Variants in DTWD2 observed in about 807,000 individuals in gnomAD.
The protein encoded by DTWD2 is DTW motif tRNA-uridine aminocarboxypropyltransferase 2.
A neutral mutation model predicts 31.8 loss-of-function variants in DTWD2; 39 were observed. The ratio of observed to expected loss-of-function variants is 1.22; its 90% CI spans 0.95 to 1.60. DTWD2 has a LOEUF of 1.60. DTWD2 is among the 40% of genes most tolerant of loss of function. The pLI is 0.00. For synonymous variants in DTWD2, 180 were observed against 142.8 expected (o/e 1.26, Z -1.86); for missense variants, 515 against 381.5 (o/e 1.35, Z -2.92).
intron 4 of DTWD2, among the ~76,000 whole-genome samples, chr5:118,923,286 G>A (rs1375813216): frequency 6.6e-6 from 1 of 152,204 alleles, no homozygotes; most frequent in Non-Finnish European, 1.5e-5. Flanking sequence ...TAATTTGGCA[G>A]CCCATTCAGG....
At chr5:118,871,429 T>A (rs890411243) in intron 4 of DTWD2, among the ~76,000 whole-genome samples, 2 of 152,218 alleles carry the variant, frequency 1.3e-5, no homozygotes, top group African/African-American at 4.8e-5. Flanking sequence ...GAGGAATCAC[T>A]ATTTATGGCA....
At chr5:118,880,924 C>T (rs952468745) in intron 4 of DTWD2, among the ~76,000 whole-genome samples, 1 of 152,098 alleles carries the variant, frequency 6.6e-6, no homozygotes, top group Non-Finnish European at 1.5e-5. Flanking sequence ...CGCTGAAAAC[C>T]ACTTCAATCA....
intron 4 of DTWD2, among the ~76,000 whole-genome samples, chr5:118,869,736 T>A (rs545862569): frequency 6.6e-6 from 1 of 152,218 alleles, no homozygotes; most frequent in South Asian, 2.1e-4. Context: ...TGGTAACTTA[T>A]AGTTTCTATA....
At chr5:118,939,947 G>A (rs1026613533) in intron 2 of DTWD2, among the ~76,000 whole-genome samples, 2 of 152,118 alleles carry the variant, frequency 1.3e-5, no homozygotes, top group Non-Finnish European at 2.9e-5. Context: ...TGGGGGAGAA[G>A]AAACAAATCT....
At chr5:118,976,269 C>T (rs1755156583) in intron 1 of DTWD2, among the ~76,000 whole-genome samples, 1 of 152,046 alleles carries the variant, frequency 6.6e-6, no homozygotes, top group Non-Finnish European at 1.5e-5. Flanking sequence ...CCTAATATCA[C>T]AATTAAAAGA....
chr5:118,883,168 AG>A (rs1234095407), intron 4 of DTWD2, among the ~76,000 whole-genome samples: 1 of 152,238 alleles, frequency 6.6e-6, no homozygotes, highest in African/African-American at 2.4e-5. Flanking sequence ...TCTCTAGGGC[AG>A]GGACAAAATT....
chr5:118,868,104 A>T (rs1752419458), intron 4 of DTWD2, among the ~76,000 whole-genome samples: 1 of 152,164 alleles, frequency 6.6e-6, no homozygotes, highest in Admixed American at 6.5e-5. Context: ...CCCAAAAATA[A>T]ATTCTGGCAT....
intron 4 of DTWD2, among the ~76,000 whole-genome samples, chr5:118,901,258 A>T (rs1159919956): frequency 6.6e-6 from 1 of 152,136 alleles, no homozygotes; most frequent in Admixed American, 6.5e-5. Flanking sequence ...ATAGTAAAAA[A>T]GGGGAGGGGA....
intron 4 of DTWD2, among the ~76,000 whole-genome samples, chr5:118,877,821 A>C (rs1332545763): frequency 6.6e-6 from 1 of 152,220 alleles, no homozygotes; most frequent in Non-Finnish European, 1.5e-5. Flanking sequence ...CAAAAGCTTA[A>C]GCTCATAAAC....
intron 2 of DTWD2, among the ~76,000 whole-genome samples, chr5:118,941,360 T>C (rs1240168648): frequency 1.3e-5 from 2 of 152,154 alleles, no homozygotes; most frequent in Admixed American, 6.5e-5. Context: ...CGGTGTGTGA[T>C]GTTCCCCTTC....
At chr5:118,883,459 G>A (rs192252906) in intron 4 of DTWD2, among the ~76,000 whole-genome samples, 3 of 152,240 alleles carry the variant, frequency 2.0e-5, no homozygotes, top group Admixed American at 2.0e-4. Flanking sequence ...TACCCACTCT[G>A]CCAGTACCAA....
chr5:118,848,534 C>G (rs1159525030), intron 4 of DTWD2, among the ~76,000 whole-genome samples: 1 of 152,082 alleles, frequency 6.6e-6, no homozygotes, highest in Non-Finnish European at 1.5e-5. Flanking sequence ...AAGTGTTCAA[C>G]ATGATCTAAT....
intron 4 of DTWD2, among the ~76,000 whole-genome samples, chr5:118,858,172 C>CAA (rs879424159): frequency 9.6e-5 from 13 of 135,032 alleles, no homozygotes; most frequent in African/African-American, 3.5e-4. Context: ...TTTCACATGG[C>CAA]AAAAAAAAAA....
chr5:118,967,462 G>C (rs557775745), intron 1 of DTWD2, among the ~76,000 whole-genome samples: 14 of 152,236 alleles, frequency 9.2e-5, no homozygotes, highest in Non-Finnish European at 1.8e-4. Context: ...GTTGATTCTA[G>C]GGCTGGGGCA....
At chr5:118,956,496 C>T (rs1754590477) in intron 1 of DTWD2, among the ~76,000 whole-genome samples, 1 of 152,202 alleles carries the variant, frequency 6.6e-6, no homozygotes, top group Non-Finnish European at 1.5e-5. Context: ...TCTGGGCATA[C>T]TATCTCTGAC....
chr5:118,962,345 T>G (rs190217014), intron 1 of DTWD2, among the ~76,000 whole-genome samples: 2 of 152,316 alleles, frequency 1.3e-5, no homozygotes, highest in Non-Finnish European at 1.5e-5. Flanking sequence ...AATAAGCCAC[T>G]GATTTTGATG....
intron 4 of DTWD2, among the ~76,000 whole-genome samples, chr5:118,907,589 G>C (rs1000203166): frequency 1.3e-5 from 2 of 152,134 alleles, no homozygotes; most frequent in African/African-American, 4.8e-5. Flanking sequence ...AAATTAGCCA[G>C]GCATGGTGGC....
At chr5:118,973,497 T>C (rs1755040284) in intron 1 of DTWD2, among the ~76,000 whole-genome samples, 2 of 152,364 alleles carry the variant, frequency 1.3e-5, no homozygotes, top group South Asian at 4.1e-4. Flanking sequence ...AGGATTTTAT[T>C]GCTCCTTCAC....
In DTWD2 at chr5:118,988,486, G is replaced by A. The variant is rs1561484615; in HGVS notation, c.26C>T (p.Thr9Ile). The change falls in exon 1 of 6, where the codon ACA (threonine) becomes ATA (isoleucine). Residue 9 changes from threonine to isoleucine, a missense_variant. By Grantham distance (89) the Thr-to-Ile change is moderately conservative. Transcript: ENST00000510708. Reference protein sequence around the residue: MESQKEARTLQEPVARPSG... With the variant: MESQKEARILQEPVARPSG... ...AGGCCGCGCAACGGGCTCCTGGAGT[G>A]TTCGTGCCTCTTTCTGCGACTCCAT... is the stretch of plus-strand genomic sequence containing the variant. 5.0e-6 allele frequency: 8 copies of A among 1,590,796 alleles called. No individual in the cohort carries two copies. The East Asian group carries it at 7.0e-5, about 14-fold the overall frequency.
Sources: allele counts gnomAD v4.1 joint callset (sites outside exome capture counted in the v4.1 genomes callset), GRCh38; gene constraint gnomAD v4.1.1; transcripts MANE v1.5; gene names NCBI Gene and HGNC (gene_info 2026-07-23, HGNC 2026-07-21).